KALRN: variants seen among roughly 807,000 people sequenced by gnomAD.
The protein encoded by KALRN is kalirin.
A neutral mutation model predicts 353.7 loss-of-function variants in KALRN; 70 were observed. That is an observed-to-expected ratio of 0.20 (90% CI 0.16 to 0.24). KALRN has a LOEUF of 0.24. KALRN is among the 10% of genes least tolerant of loss of function. The probability of loss-of-function intolerance (pLI) is 1.00; values close to 1 mark genes in which losing one functional copy is unlikely to be tolerated. For missense variants in KALRN, 2,791 were observed against 3,756.7 expected (o/e 0.74, Z 6.72); for synonymous variants, 1,391 against 1,434.8 (o/e 0.97, Z 0.69).
chr3:124,660,403 T>C (rs1307923298), intron 43 of KALRN, among the ~76,000 whole-genome samples: 1 of 152,012 alleles, frequency 6.6e-6, no homozygotes, highest in African/African-American at 2.4e-5. Flanking sequence ...ATTTTGAGGC[T>C]GGGTGCAGTC....
At chr3:124,367,071 C>A (rs1400623687) in intron 10 of KALRN, among the ~76,000 whole-genome samples, 5 of 129,704 alleles carry the variant, frequency 3.9e-5, no homozygotes, top group Middle Eastern at 5.7e-3. Context: ...CTGACCCCCC[C>A]ACCTCCCTCC....
At chr3:124,504,770 C>A in intron 33 of KALRN, 1 of 445,616 alleles carries the variant, frequency 2.2e-6, no homozygotes, top group Non-Finnish European at 4.7e-6. Context: ...AGGCAGATCC[C>A]TGCTTCAGAG....
chr3:124,300,288 G>A (rs1405206350), intron 6 of KALRN, among the ~76,000 whole-genome samples: 2 of 152,198 alleles, frequency 1.3e-5, no homozygotes, highest in East Asian at 3.8e-4. Flanking sequence ...CTTGATATGT[G>A]CAGTGATAGA....
At chr3:124,632,346 G>A in intron 34 of KALRN, 74 bp from the exon 35 acceptor site, 1 of 1,431,430 alleles carries the variant, frequency 7.0e-7, no homozygotes, top group East Asian at 2.3e-5. Flanking sequence ...CCTGAGGATG[G>A]AGCTGTCTCA....
chr3:124,175,462 T>G (rs961249454), intron 1 of KALRN, among the ~76,000 whole-genome samples: 2 of 151,282 alleles, frequency 1.3e-5, no homozygotes, highest in South Asian at 4.2e-4. Flanking sequence ...GATGCGGAGG[T>G]GCGTGCTGCC....
At chr3:124,037,177 A>G (rs1250990158) in intron 1 of KALRN, among the ~76,000 whole-genome samples, 3 of 152,264 alleles carry the variant, frequency 2.0e-5, no homozygotes, top group Non-Finnish European at 4.4e-5. Context: ...GTGGAACACA[A>G]AAGAAATATT....
At chr3:124,651,946 T>C (rs2083463055) in intron 38 of KALRN, among the ~76,000 whole-genome samples, 1 of 152,118 alleles carries the variant, frequency 6.6e-6, no homozygotes, top group Non-Finnish European at 1.5e-5. Flanking sequence ...CCAACTTTTG[T>C]TTTCTTGTTT....
At chr3:124,056,332 C>T (rs967277366) in intron 1 of KALRN, among the ~76,000 whole-genome samples, 1 of 152,048 alleles carries the variant, frequency 6.6e-6, no homozygotes, top group Non-Finnish European at 1.5e-5. Context: ...GACCTCGAGT[C>T]GTCTGGCTGC....
chr3:124,038,497 C>T lies in KALRN; in HGVS notation c.73+4684C>T, dbSNP rs183653319. ...AGAGGAAAAATTGAGGAGGCTAGAA[C>T]GAGTGTAGAGTTTGATACCTGAAGA... On this transcript the variant is annotated intron_variant, in intron 1 of 59. Transcript: ENST00000682506. 1.1e-4 allele frequency among the ~76,000 whole-genome samples: 17 copies of T among 152,104 alleles called. No homozygotes were observed. The East Asian group carries it at 1.7e-3, about 16-fold the overall frequency.
chr3:124,480,192 G>C (rs914180877), intron 27 of KALRN, among the ~76,000 whole-genome samples: 1 of 152,014 alleles, frequency 6.6e-6, no homozygotes, highest in African/African-American at 2.4e-5. Flanking sequence ...TCTTGCCAAA[G>C]CTCCCAGATA....
At chr3:124,207,663 G>A (rs940896445) in intron 1 of KALRN, among the ~76,000 whole-genome samples, 1 of 151,994 alleles carries the variant, frequency 6.6e-6, no homozygotes, top group Non-Finnish European at 1.5e-5. Flanking sequence ...TATGACCTTG[G>A]GTGCATTATT....
chr3:124,038,978 C>A (rs1044308735), intron 1 of KALRN, among the ~76,000 whole-genome samples: 1 of 152,250 alleles, frequency 6.6e-6, no homozygotes, highest in Non-Finnish European at 1.5e-5. Context: ...CCATGGACTC[C>A]TTTCCTGGCC....
intron 1 of KALRN, among the ~76,000 whole-genome samples, chr3:124,113,445 A>C (rs1317006058): frequency 6.6e-6 from 1 of 152,196 alleles, no homozygotes; most frequent in Non-Finnish European, 1.5e-5. Flanking sequence ...ACGGAGATAG[A>C]ATATGCATGT....
intron 1 of KALRN, among the ~76,000 whole-genome samples, chr3:124,168,449 G>T (rs1035572983): frequency 7.2e-5 from 11 of 152,146 alleles, no homozygotes; most frequent in African/African-American, 2.4e-4. Flanking sequence ...CATAGAGCAA[G>T]CAATATTGGC....
rs2086451579 is a variant in KALRN, at chr3:124,671,542, G to A, written c.6704-118G>A. On this transcript the variant is annotated intron_variant, in intron 47 of 59. Coordinates refer to ENST00000682506, the MANE Select transcript of KALRN (RefSeq NM_001388419.1). ...GTTCTCCCATTGCCTTAAAAACAAG[G>A]GTAGTGTTTTTCTCACTTATCCACA... is the stretch of plus-strand genomic sequence containing the variant. 6 of 699,322 alleles carry A rather than the reference G, an allele frequency of 8.6e-6. No individual in the cohort carries two copies. In the East Asian group the frequency reaches 9.9e-5, roughly 12 times the overall value. 43.3% of individuals were successfully genotyped at this position (699,322 alleles called of 1,614,324 possible).
intron 56 of KALRN, 44 bp downstream of exon 56, chr3:124,700,077 G>T (rs767540897): frequency 5.0e-6 from 8 of 1,600,042 alleles, no homozygotes; most frequent in Non-Finnish European, 6.8e-6. Context: ...GTGGGATTGA[G>T]GCACCTGGCT....
chr3:124,689,378 T>C (rs2061707730), intron 51 of KALRN, among the ~76,000 whole-genome samples: 1 of 152,082 alleles, frequency 6.6e-6, no homozygotes, highest in Non-Finnish European at 1.5e-5. Flanking sequence ...CATTTGTTTT[T>C]ATTTTTTAGT....
intron 13 of KALRN, among the ~76,000 whole-genome samples, chr3:124,406,414 T>C (rs1411458021): frequency 6.6e-6 from 1 of 152,176 alleles, no homozygotes; most frequent in Non-Finnish European, 1.5e-5. Flanking sequence ...ATATCAAAAA[T>C]TATAGATAAA....
At chr3:124,655,097 T>G (rs1211135454) in intron 38 of KALRN, among the ~76,000 whole-genome samples, 1 of 152,204 alleles carries the variant, frequency 6.6e-6, no homozygotes, top group African/African-American at 2.4e-5. Flanking sequence ...TCTTAAAAAC[T>G]TCACTTGATA....
Sources: allele counts gnomAD v4.1 joint callset (sites outside exome capture counted in the v4.1 genomes callset), GRCh38; gene constraint gnomAD v4.1.1; transcripts MANE v1.5; gene names NCBI Gene and HGNC (gene_info 2026-07-23, HGNC 2026-07-21).